Variants in PHKB observed in about 807,000 individuals in gnomAD.
PHKB encodes the protein phosphorylase b kinase regulatory subunit beta.
In PHKB, 122 loss-of-function variants were observed where a neutral mutation model predicts 152.1. That is an observed-to-expected ratio of 0.80 (90% CI 0.69 to 0.93). The LOEUF (loss-of-function observed/expected upper bound fraction) is 0.93, where lower values mean the gene tolerates loss of function less well. PHKB is among the 40% of genes least tolerant of loss of function. The probability of loss-of-function intolerance (pLI) is 0.00; values close to 1 mark genes in which losing one functional copy is unlikely to be tolerated. For missense variants in PHKB, 1,304 were observed against 1,328.4 expected (o/e 0.98, Z 0.29); for synonymous variants, 436 against 464.9 (o/e 0.94, Z 0.80).
Position 47,617,267 on chromosome 16 carries a change from T to A in PHKB, c.1458+6347T>A, listed in dbSNP as rs542363930. 4.2e-5 allele frequency among the ~76,000 whole-genome samples: 6 copies of A among 144,324 alleles called. No individual in the cohort carries two copies. The South Asian group carries it at 8.9e-4, about 21-fold the overall frequency. The allele number at this position is 144,324 out of a possible 152,430, so 94.7% of individuals were successfully genotyped here. ...ATATAATATTTATATATAATATAAA[T>A]TTTTTTATATATTTACATATAAAAC... On this transcript the variant is annotated intron_variant, in intron 14 of 30. Transcript: ENST00000323584.
chr16:47,461,475 CTT>C (rs1435276059), intron 1 of PHKB, 49 bp downstream of exon 1: 1 of 1,590,842 alleles, frequency 6.3e-7, no homozygotes, highest in South Asian at 1.1e-5. Context: ...TTGGGTGGTG[CTT>C]CGCCTCAAGC....
At chr16:47,501,564 T>G (rs1407667970) in intron 3 of PHKB, among the ~76,000 whole-genome samples, 2 of 152,200 alleles carry the variant, frequency 1.3e-5, no homozygotes, top group Admixed American at 6.5e-5. Flanking sequence ...GAGATACTTC[T>G]GAAGTGTGTA....
At position 47,540,827 on chromosome 16, in the gene PHKB, T is replaced by G. The variant is rs796923016; in HGVS notation, c.595-6606T>G. Among the ~76,000 whole-genome samples the G allele has an allele frequency of 8.0e-4, 114 of 142,670 alleles. 1 individual carries two copies. Among genetic ancestry groups the G allele is most frequent in the African/African-American group, 2.7e-3 (104 of 38,260 alleles). The allele number at this position is 142,670 out of a possible 152,430, so 93.6% of individuals were successfully genotyped here. On this transcript the variant is annotated intron_variant, in intron 6 of 30. Transcript: ENST00000323584. The stretch of plus-strand genomic sequence containing the variant: ...TCTAATCTAAATGTCCTGTTTTTTT[T>G]TTTTTTTTTTTTTTTGGAGATAGAG...
At position 47,660,649 on chromosome 16, in the gene PHKB, A is replaced by G; in HGVS notation, c.2034-8A>G. ...AGAAAATATGAAACCTTTTCTTTTA[A>G]TTTTTAGGCTTCCAGAATTTAAGAG... On this transcript the variant is annotated splice_polypyrimidine_tract_variant and splice_region_variant and intron_variant, in intron 21 of 30. Transcript: ENST00000323584. The G allele has an allele frequency of 6.2e-7, 1 of 1,613,754 alleles. No individual in the cohort carries two copies. The highest frequency in any genetic ancestry group is 8.5e-7 in the Non-Finnish European group (1 of 1,179,794).
Position 47,593,557 on chromosome 16 carries a change from G to GGTAA in PHKB, c.1126+6_1126+9dup, listed in dbSNP as rs754121094. 2 of 1,475,896 alleles carry GGTAA rather than the reference G, an allele frequency of 1.4e-6. No individual in the cohort carries two copies. The highest frequency in any genetic ancestry group is 1.1e-5 in the South Asian group (1 of 88,104). 91.4% of individuals were successfully genotyped at this position (1,475,896 alleles called of 1,614,324 possible). A position where few individuals can be genotyped will look rare whatever the true frequency, so the allele number is the denominator to read the frequency against. Reference sequence around the variant, plus strand: ...ATTTTTCCTTTATATGATGATTGATGGTAAGTAAGCTTTTTCCTGAAATTT... The same window carrying GGTAA: ...ATTTTTCCTTTATATGATGATTGATGGTAAGTAAGTAAGCTTTTTCCTGAAATTT... On this transcript the variant is annotated frameshift_variant and splice_region_variant. Coordinates refer to ENST00000323584, the MANE Select transcript of PHKB (RefSeq NM_000293.3). LOFTEE classifies it high-confidence loss of function.
chr16:47,681,235 A>T (rs540220016), intron 26 of PHKB, among the ~76,000 whole-genome samples: 5 of 151,954 alleles, frequency 3.3e-5, no homozygotes, highest in African/African-American at 1.2e-4. Context: ...GTTGAAAAAA[A>T]TGTATATTCT....
chr16:47,587,660 C>G lies in PHKB; in HGVS notation c.775-8C>G, dbSNP rs780221944. 79 of 1,603,550 alleles carry G rather than the reference C, an allele frequency of 4.9e-5. No homozygotes were observed. Among genetic ancestry groups the G allele is most frequent in the Non-Finnish European group, 6.4e-5 (75 of 1,172,258 alleles). ...ATTTAGGAAATGTTTTTCTTTTTCT[C>G]TGTCCAGGGCTGTTCGTGGTCAGTT... On this transcript the variant is annotated splice_region_variant and splice_polypyrimidine_tract_variant and intron_variant, in intron 8 of 30. Transcript: ENST00000323584.
intron 7 of PHKB, among the ~76,000 whole-genome samples, chr16:47,553,097 A>G (rs1334190339): frequency 6.6e-6 from 1 of 151,946 alleles, no homozygotes; most frequent in Non-Finnish European, 1.5e-5. Context: ...TAGGTTGGGG[A>G]AGTTCTCCTG....
At chr16:47,524,032 G>C (rs1402158514) in intron 6 of PHKB, among the ~76,000 whole-genome samples, 1 of 152,024 alleles carries the variant, frequency 6.6e-6, no homozygotes, top group African/African-American at 2.4e-5. Flanking sequence ...TGAGAATAGG[G>C]CAATTTCACA....
chr16:47,480,102 C>A (rs1969938239), intron 1 of PHKB, among the ~76,000 whole-genome samples: 1 of 152,128 alleles, frequency 6.6e-6, no homozygotes, highest in Non-Finnish European at 1.5e-5. Context: ...AATTAGTGAT[C>A]CCTTCTGTGT....
chr16:47,636,824 C>A (rs1972929352), intron 14 of PHKB, among the ~76,000 whole-genome samples: 1 of 152,096 alleles, frequency 6.6e-6, no homozygotes, highest in Admixed American at 6.5e-5. Flanking sequence ...CTGGGCGGGT[C>A]CCTGGTGAAA....
intron 14 of PHKB, among the ~76,000 whole-genome samples, chr16:47,636,903 G>A (rs777220063): frequency 6.6e-6 from 1 of 152,188 alleles, no homozygotes; most frequent in African/African-American, 2.4e-5. Context: ...GGAGTCTGCA[G>A]CCCAGAGTGA....
At chr16:47,595,807 G>A (rs919191225) in intron 12 of PHKB, among the ~76,000 whole-genome samples, 2 of 152,104 alleles carry the variant, frequency 1.3e-5, no homozygotes, top group Admixed American at 6.5e-5. Flanking sequence ...ATCTGCTGTT[G>A]AATTAGTGTT....
intron 7 of PHKB, among the ~76,000 whole-genome samples, chr16:47,579,313 A>C (rs1971803182): frequency 6.6e-6 from 1 of 152,204 alleles, no homozygotes; most frequent in Non-Finnish European, 1.5e-5. Flanking sequence ...TGAATAGCTT[A>C]GAACAGTAGC....
rs545345880 is a variant in PHKB, at chr16:47,669,413, A to G, written c.2626A>G (p.Ile876Val). ...ELFSGMLKIRIGWIIHAMEYE... is the reference protein window; with the variant it reads ...ELFSGMLKIRVGWIIHAMEYE... ...ATTCAGTGGCATGCTGAAAATACGA[A>G]TCGGGTGAGTGAAGTCCTTTGCATT... is the stretch of plus-strand genomic sequence containing the variant. The change falls in exon 26 of 31, where the codon ATC becomes GTC. Residue 876 changes from isoleucine (I) to valine (V), a missense_variant. Physicochemically the swap from Ile to Val is conservative, Grantham distance 29. Transcript: ENST00000323584. 20 of 1,613,836 alleles carry G rather than the reference A, an allele frequency of 1.2e-5. No individual in the cohort carries two copies. In the Admixed American group the frequency reaches 2.5e-4, roughly 20 times the overall value.
At chr16:47,591,547 A>G (rs1972029186) in intron 10 of PHKB, among the ~76,000 whole-genome samples, 1 of 151,934 alleles carries the variant, frequency 6.6e-6, no homozygotes, top group Admixed American at 6.6e-5. Flanking sequence ...CTTACTTCTT[A>G]GTCTCCTTTG....
chr16:47,476,435 C>T (rs557817149), intron 1 of PHKB, among the ~76,000 whole-genome samples: 2 of 152,046 alleles, frequency 1.3e-5, no homozygotes, highest in South Asian at 4.2e-4. Flanking sequence ...CCACTTTATC[C>T]CAATTCTTAA....
At chr16:47,532,430 C>T (rs1970877158) in intron 6 of PHKB, among the ~76,000 whole-genome samples, 1 of 152,212 alleles carries the variant, frequency 6.6e-6, no homozygotes, top group South Asian at 2.1e-4. Context: ...AAGTTTTGCT[C>T]CAGTCCACTG....
intron 7 of PHKB, among the ~76,000 whole-genome samples, chr16:47,573,638 C>G (rs1971700372): frequency 6.6e-6 from 1 of 152,196 alleles, no homozygotes; most frequent in Non-Finnish European, 1.5e-5. Context: ...CTGCCCAAGA[C>G]AAAGACCAAG....
Sources: allele counts gnomAD v4.1 joint callset (sites outside exome capture counted in the v4.1 genomes callset), GRCh38; gene constraint gnomAD v4.1.1; transcripts MANE v1.5; gene names NCBI Gene and HGNC (gene_info 2026-07-23, HGNC 2026-07-21).